The following AASDH variants were observed in gnomAD, a reference collection of about 807,000 sequenced individuals.
AASDH encodes beta-alanine-activating enzyme.
AASDH carries 81 observed loss-of-function variants against 102.3 expected under a neutral mutation model. The ratio of observed to expected loss-of-function variants is 0.79; its 90% CI spans 0.66 to 0.95. AASDH has a LOEUF of 0.95. Among genes scored for constraint, AASDH ranks in the 40% least tolerant of loss-of-function variants. AASDH has a pLI of 0.00. For missense variants in AASDH, 1,203 were observed against 1,266.2 expected (o/e 0.95, Z 0.76); for synonymous variants, 398 against 454.0 (o/e 0.88, Z 1.57).
At position 56,366,867 on chromosome 4, in the gene AASDH, C is replaced by T. The variant is rs1207707756; in HGVS notation, c.861+4584G>A. Among the ~76,000 whole-genome samples, 55 of 150,516 alleles carry T rather than the reference C, an allele frequency of 3.7e-4. No homozygotes were observed. In the South Asian group the frequency reaches 5.3e-3, roughly 15 times the overall value. On this transcript the variant is annotated intron_variant, in intron 5 of 14. Transcript: ENST00000205214. ...TTCAACATAGTGTTGGAAGTTCTGGCCAGGGCAATTAGGCAGGAGAAGGAA... is the reference window on the plus strand; with the variant it reads ...TTCAACATAGTGTTGGAAGTTCTGGTCAGGGCAATTAGGCAGGAGAAGGAA...
intron 5 of AASDH, among the ~76,000 whole-genome samples, chr4:56,367,500 G>T (rs1237950126): frequency 9.1e-6 from 1 of 109,938 alleles, no homozygotes; most frequent in African/African-American, 3.3e-5. Context: ...AAACAGCATG[G>T]TACTGGTACC....
chr4:56,347,460 A>G (rs750068321), intron 11 of AASDH, among the ~76,000 whole-genome samples: 19 of 152,202 alleles, frequency 1.2e-4, no homozygotes, highest in Non-Finnish European at 2.5e-4. Context: ...AATGAAACCT[A>G]ACATACTTGG....
intron 4 of AASDH, among the ~76,000 whole-genome samples, chr4:56,375,349 T>C (rs1752217597): frequency 6.6e-6 from 1 of 152,220 alleles, no homozygotes; most frequent in Non-Finnish European, 1.5e-5. Context: ...TAATACTCCC[T>C]AGCTTAGTGA....
chr4:56,356,603 C>A, intron 5 of AASDH: 1 of 724,256 alleles, frequency 1.4e-6, no homozygotes, highest in Non-Finnish European at 2.5e-6. Flanking sequence ...CTGGTGGTGA[C>A]TGCACACGTG....
chr4:56,341,732 C>T (rs186905753), intron 14 of AASDH, among the ~76,000 whole-genome samples: 86 of 151,936 alleles, frequency 5.7e-4, no homozygotes, highest in Middle Eastern at 3.4e-3. Flanking sequence ...TGAAATTAAG[C>T]CAGGCCCAAA....
Position 56,349,423 on chromosome 4 carries a change from G to C in AASDH, c.2328C>G (p.Pro776=). Residue 776 remains proline, a synonymous_variant, in exon 11 of 15, where the codon CCC becomes CCG. Transcript: ENST00000205214. ...CAGTTGTAGATGACTTATCAAAAGT[G>C]GGTATTACAACCAGCGGTGAAGCAT... is the stretch of plus-strand genomic sequence containing the variant. ...CVDASPLVVI[P]TFDKSSTTVY... 2 of 1,613,922 alleles carry C rather than the reference G, an allele frequency of 1.2e-6. No individual in the cohort carries two copies. The highest frequency in any genetic ancestry group is 8.5e-7 in the Non-Finnish European group (1 of 1,179,970).
chr4:56,363,191 C>A (rs948825859), intron 5 of AASDH, among the ~76,000 whole-genome samples: 4 of 152,190 alleles, frequency 2.6e-5, no homozygotes, highest in Admixed American at 6.5e-5. Flanking sequence ...CGCCCACCAT[C>A]GCCGAGGCTT....
chr4:56,348,800 C>A, intron 11 of AASDH: 1 of 164,568 alleles, frequency 6.1e-6, no homozygotes, highest in Admixed American at 6.0e-5. Context: ...TGTAAATGAG[C>A]TACCTTGGCA....
intron 11 of AASDH, chr4:56,348,916 T>C (rs1326489115): frequency 7.8e-6 from 2 of 256,724 alleles, no homozygotes; most frequent in Admixed American, 5.0e-5. Flanking sequence ...ATAGAAACTA[T>C]GAGACAATAA....
chr4:56,385,921 TTTTC>T (rs1419012563), intron 1 of AASDH, among the ~76,000 whole-genome samples: 11 of 117,258 alleles, frequency 9.4e-5, no homozygotes, highest in East Asian at 4.4e-4. Context: ...TCAAGTTTTC[TTTTC>T]TTTCTTTTTT....
At chr4:56,376,364 C>G (rs1235099282) in intron 4 of AASDH, among the ~76,000 whole-genome samples, 1 of 152,088 alleles carries the variant, frequency 6.6e-6, no homozygotes, top group African/African-American at 2.4e-5. Context: ...TGTGTCCATC[C>G]CAGAATTCCT....
At position 56,356,303 on chromosome 4, in the gene AASDH, C is replaced by T; in HGVS notation, c.862-880G>A. The T allele has an allele frequency of 1.5e-6, 2 of 1,304,832 alleles. 1 individual carries two copies. The highest frequency in any genetic ancestry group is 2.4e-5 in the South Asian group (2 of 84,416). The allele number at this position is 1,304,832 out of a possible 1,614,324, so 80.8% of individuals were successfully genotyped here. On this transcript the variant is annotated intron_variant, in intron 5 of 14. Transcript: ENST00000205214. ...AGACCTCACCAGCTTTGTGAAATAG[C>T]CCTGCTCTATCAGGTTGCAGCGGCA...
At chr4:56,371,665 T>C (rs1301440038) in intron 4 of AASDH, 22 bp from the exon 5 acceptor site, 1 of 1,581,682 alleles carries the variant, frequency 6.3e-7, no homozygotes. Flanking sequence ...CAGAATGCAG[T>C]TATGAGAAAC....
At chr4:56,366,361 T>C (rs941269187) in intron 5 of AASDH, among the ~76,000 whole-genome samples, 25 of 152,174 alleles carry the variant, frequency 1.6e-4, no homozygotes, top group Non-Finnish European at 2.9e-4. Flanking sequence ...TCCTCCCTAA[T>C]TCATTTTATG....
At chr4:56,341,051 C>T (rs1277282833) in intron 14 of AASDH, among the ~76,000 whole-genome samples, 1 of 152,164 alleles carries the variant, frequency 6.6e-6, no homozygotes, top group African/African-American at 2.4e-5. Flanking sequence ...GGAACTTACA[C>T]TGCTGGTGGG....
At position 56,354,823 on chromosome 4, in the gene AASDH, A is replaced by C. The variant is rs748518779; in HGVS notation, c.1104-12T>G. The C allele has an allele frequency of 6.3e-7, 1 of 1,576,172 alleles. No individual in the cohort carries two copies. Among genetic ancestry groups the C allele is most frequent in the South Asian group, 1.2e-5 (1 of 86,136 alleles). ...CAGGCAATTCACATCTATGAAAATA[A>C]GATACAGAGCAGATTTAAAATTTTT... On this transcript the variant is annotated splice_polypyrimidine_tract_variant and intron_variant, in intron 6 of 14. Coordinates refer to ENST00000205214, the MANE Select transcript of AASDH (RefSeq NM_181806.4).
Position 56,355,381 on chromosome 4 carries a change from T to A in AASDH, c.904A>T (p.Lys302Ter), listed in dbSNP as rs780599395. Residue 302 changes from lysine (K) to a stop codon, truncating the protein, a stop_gained, in exon 6 of 15, where the codon AAG (lysine) becomes TAG (stop). Coordinates refer to ENST00000205214, the MANE Select transcript of AASDH (RefSeq NM_181806.4). LOFTEE classifies it high-confidence loss of function. Reference protein sequence around the residue: ...LLRRFGSQLIKSTVLSATTSL... With the variant: ...LLRRFGSQLI ...GTAGTGGCTGACAAAACAGTTGACTTGATAAGCTGAGATCCAAATCTTCTA... is the reference window on the plus strand; with the variant it reads ...GTAGTGGCTGACAAAACAGTTGACTAGATAAGCTGAGATCCAAATCTTCTA... 1 of 1,614,098 alleles carries A rather than the reference T, an allele frequency of 6.2e-7. No homozygotes were observed. Among genetic ancestry groups the A allele is most frequent in the Admixed American group, 1.7e-5 (1 of 60,030 alleles).
At chr4:56,367,435 G>A (rs1751148967) in intron 5 of AASDH, among the ~76,000 whole-genome samples, 1 of 105,116 alleles carries the variant, frequency 9.5e-6, no homozygotes, top group Admixed American at 1.0e-4. Context: ...AAAGAACAAA[G>A]CTGGAGGCAT....
At chr4:56,370,103 C>T (rs879670124) in intron 5 of AASDH, among the ~76,000 whole-genome samples, 3 of 152,094 alleles carry the variant, frequency 2.0e-5, no homozygotes, top group African/African-American at 4.8e-5. Flanking sequence ...CAGTGGTTCA[C>T]GCCTGTAATC....
Sources: gnomAD v4.1 joint callset for allele counts (sites outside exome capture counted in the v4.1 genomes callset) on GRCh38, gnomAD v4.1.1 for gene constraint, MANE v1.5 for transcripts, NCBI Gene and HGNC (gene_info 2026-07-23, HGNC 2026-07-21) for gene names.